Variants in TTLL6 observed in about 807,000 individuals in gnomAD.
The protein encoded by TTLL6 is tubulin tyrosine ligase like 6.
A neutral mutation model predicts 96.4 loss-of-function variants in TTLL6; 75 were observed. The ratio of observed to expected loss-of-function variants is 0.78; its 90% CI spans 0.65 to 0.94. The LOEUF is 0.94. TTLL6 is among the 40% of genes least tolerant of loss of function. TTLL6 has a pLI of 0.00. For missense variants in TTLL6, 1,030 were observed against 1,093.0 expected, an observed-to-expected ratio of 0.94 and a Z score of 0.81; for synonymous variants, 411 against 419.4, an observed-to-expected ratio of 0.98 and a Z score of 0.24.
At chr17:48,797,783 A>G (rs2039344004) in intron 6 of TTLL6, among the ~76,000 whole-genome samples, 3 of 50,212 alleles carry the variant, frequency 6.0e-5, no homozygotes, top group East Asian at 7.0e-4. Context: ...GCAAAACTCC[A>G]TCTCAAAAAA....
chr17:48,808,147 T>C (rs909826835), intron 1 of TTLL6, among the ~76,000 whole-genome samples: 17 of 152,200 alleles, frequency 1.1e-4, no homozygotes, highest in African/African-American at 3.9e-4. Flanking sequence ...CATTTCTAGT[T>C]TTTAATGGCT....
At chr17:48,795,329 G>GAA (rs796848295) in intron 8 of TTLL6, among the ~76,000 whole-genome samples, 1 of 73,416 alleles carries the variant, frequency 1.4e-5, no homozygotes, top group Non-Finnish European at 3.0e-5. Context: ...AGTCTCAAAA[G>GAA]AAAAAAAAAA....
In TTLL6 at chr17:48,803,870, C is replaced by T. The variant is rs1159841616; in HGVS notation, c.361+21G>A. The T allele has an allele frequency of 1.9e-6, 3 of 1,551,660 alleles. No homozygotes were observed. In the African/African-American group the frequency reaches 4.1e-5, roughly 21 times the overall value. On this transcript the variant is annotated intron_variant, in intron 3 of 15. Transcript: ENST00000393382. ...AATCCAGTGGGTCCCCATTATAGAT[C>T]TCCTGAATGTAGATGCTCACCACTC...
At chr17:48,803,497 A>AC (rs2039459644) in intron 3 of TTLL6, among the ~76,000 whole-genome samples, 1 of 99,120 alleles carries the variant, frequency 1.0e-5, no homozygotes, top group Admixed American at 9.8e-5. Flanking sequence ...AAAAAAAACA[A>AC]AAAAAAAAAA....
intron 13 of TTLL6, among the ~76,000 whole-genome samples, chr17:48,775,962 G>A (rs537034158): frequency 7.9e-5 from 12 of 152,258 alleles, no homozygotes; most frequent in Admixed American, 7.9e-4. Flanking sequence ...GTAAAAGATT[G>A]AATGTTTCCC....
In TTLL6 at chr17:48,769,232, C is replaced by T. The variant is rs772974752; in HGVS notation, c.2433G>A (p.Glu811=). Residue 811 remains glutamate (E), a synonymous_variant, in exon 15 of 16, where the codon GAG becomes GAA. Coordinates refer to ENST00000393382, the MANE Select transcript of TTLL6 (RefSeq NM_001130918.3). ...NLSQNPSLPG[E]CHSRSDSSGE... The stretch of plus-strand genomic sequence containing the variant: ...CAGAGCTGTCACTGCGGGAGTGGCA[C>T]TCCCCAGGCAGGGAGGGGTTTTCTG... The T allele has an allele frequency of 2.5e-6, 4 of 1,607,206 alleles. No homozygotes were observed. Among genetic ancestry groups the T allele is most frequent in the South Asian group, 2.2e-5 (2 of 90,818 alleles).
intron 6 of TTLL6, 123 bp downstream of exon 6, chr17:48,799,481 C>T (rs2039373210): frequency 9.5e-7 from 1 of 1,050,242 alleles, no homozygotes; most frequent in East Asian, 2.6e-5. Context: ...AAGTGCAAGG[C>T]AGAAGCCAGG....
At chr17:48,813,650 C>G (rs1215995822) in intron 1 of TTLL6, among the ~76,000 whole-genome samples, 3 of 152,216 alleles carry the variant, frequency 2.0e-5, no homozygotes, top group African/African-American at 4.8e-5. Flanking sequence ...CCATCTCCAA[C>G]AAGGGCTTGG....
At chr17:48,788,301 C>CT (rs1277541814) in intron 10 of TTLL6, among the ~76,000 whole-genome samples, 12 of 152,236 alleles carry the variant, frequency 7.9e-5, no homozygotes, top group African/African-American at 2.4e-4. Context: ...ACTAGGCAGA[C>CT]TGTCGCCACC....
chr17:48,810,192 T>C (rs983582587), intron 1 of TTLL6, among the ~76,000 whole-genome samples: 23 of 152,000 alleles, frequency 1.5e-4, no homozygotes, highest in African/African-American at 5.5e-4. Flanking sequence ...CAAATTATGT[T>C]TGCTCTTGCA....
At chr17:48,790,480 G>A (rs1412671903) in intron 9 of TTLL6, among the ~76,000 whole-genome samples, 1 of 152,160 alleles carries the variant, frequency 6.6e-6, no homozygotes, top group Non-Finnish European at 1.5e-5. Context: ...AGAGAGGAGT[G>A]GCATTCAGGA....
At chr17:48,814,148 G>A (rs1209160758) in intron 1 of TTLL6, among the ~76,000 whole-genome samples, 3 of 151,902 alleles carry the variant, frequency 2.0e-5, no homozygotes, top group Middle Eastern at 3.4e-3. Flanking sequence ...GTGAAACCCC[G>A]TCTCTACTAA....
chr17:48,767,758 T>C (rs548637032), intron 15 of TTLL6, among the ~76,000 whole-genome samples: 1 of 152,276 alleles, frequency 6.6e-6, no homozygotes, highest in Admixed American at 6.5e-5. Context: ...GCACTGAAGT[T>C]CAGACGGAGG....
intron 15 of TTLL6, among the ~76,000 whole-genome samples, chr17:48,764,246 G>C (rs1052522990): frequency 1.3e-5 from 2 of 152,216 alleles, no homozygotes; most frequent in Admixed American, 6.5e-5. Flanking sequence ...AGTGGGTCCA[G>C]AGGAAGAAGA....
At position 48,801,531 on chromosome 17, in the gene TTLL6, A is replaced by G. The variant is rs1226511484; in HGVS notation, c.474T>C (p.Ser158=). The G allele has an allele frequency of 1.9e-6, 3 of 1,552,010 alleles. No homozygotes were observed. The highest frequency in any genetic ancestry group is 2.0e-5 in the Admixed American group (1 of 50,996). The change falls in exon 4 of 16, where the codon AGT becomes AGC. Residue 158 remains serine (S), a synonymous_variant. Coordinates refer to ENST00000393382, the MANE Select transcript of TTLL6 (RefSeq NM_001130918.3). ...VSLERVMEMK[S]YQKINHFPGM... is the part of the protein sequence containing the mutation. ...CCATCACTAGCCCAAATACCTGGTA[A>G]CTTTTCATTTCCATCACCCGCTCCA...
At chr17:48,777,199 G>C (rs747285375) in intron 13 of TTLL6, among the ~76,000 whole-genome samples, 7 of 152,158 alleles carry the variant, frequency 4.6e-5, no homozygotes, top group Non-Finnish European at 8.8e-5. Context: ...ATATATATGG[G>C]AAAAACAAAC....
intron 10 of TTLL6, 71 bp from the exon 11 acceptor site, chr17:48,788,070 G>C: frequency 6.7e-7 from 1 of 1,484,232 alleles, no homozygotes; most frequent in South Asian, 1.3e-5. Flanking sequence ...ATATGTCCAA[G>C]CTGGAGGTCG....
At chr17:48,788,147 C>T in intron 10 of TTLL6, 148 bp from the exon 11 acceptor site, 1 of 718,480 alleles carries the variant, frequency 1.4e-6, no homozygotes, top group Non-Finnish European at 2.3e-6. Context: ...AAATGCATGA[C>T]TGTTTCCCTG....
intron 10 of TTLL6, among the ~76,000 whole-genome samples, chr17:48,788,580 T>G (rs2039154976): frequency 6.6e-6 from 1 of 152,138 alleles, no homozygotes. Flanking sequence ...CAGCTGCTCC[T>G]CAACAGGACA....
Sources: allele counts gnomAD v4.1 joint callset (sites outside exome capture counted in the v4.1 genomes callset), GRCh38; gene constraint gnomAD v4.1.1; transcripts MANE v1.5; gene names NCBI Gene and HGNC (gene_info 2026-07-23, HGNC 2026-07-21).